The following IFIT1 variants were observed in gnomAD, a reference collection of about 807,000 sequenced individuals.
IFIT1 encodes interferon induced protein with tetratricopeptide repeats 1.
In IFIT1, 1 loss-of-function variant was observed where a neutral mutation model predicts 2.5. That is an observed-to-expected ratio of 0.40 (90% CI 0.14 to 1.92). The LOEUF (loss-of-function observed/expected upper bound fraction) is 1.92, where lower values mean the gene tolerates loss of function less well. IFIT1 is among the 40% of genes most tolerant of loss of function. IFIT1 has a pLI of 0.31. For missense variants in IFIT1, 508 were observed against 557.8 expected (o/e 0.91, Z 0.90); for synonymous variants, 191 against 201.7 (o/e 0.95, Z 0.45).
chr10:89,392,717 G>C lies in IFIT1; in HGVS notation c.5G>C (p.Ser2Thr). Residue 2 changes from serine (S) to threonine (T), a missense_variant and splice_region_variant, in exon 1 of 2, where the codon AGT (serine) becomes ACT (threonine). By Grantham distance (58) the Ser-to-Thr change is moderately conservative. Transcript: ENST00000371804. Reference protein sequence around the residue: MSTNGDDHQVKD... With the variant: MTTNGDDHQVKD... ...GCTGCCTAATTTACAGCAACCATGAGGTAAGGATTTCTTTGCTCCTCTGCC... is the reference window on the plus strand; with the variant it reads ...GCTGCCTAATTTACAGCAACCATGACGTAAGGATTTCTTTGCTCCTCTGCC... 6.2e-7 allele frequency: 1 copy of C among 1,613,996 alleles called. No homozygotes were observed. The highest frequency in any genetic ancestry group is 2.2e-5 in the East Asian group (1 of 44,890).
chr10:89,393,238 C>A (rs1844284093), intron 1 of IFIT1: 1 of 1,289,728 alleles, frequency 7.8e-7, no homozygotes, highest in Non-Finnish European at 1.0e-6. Flanking sequence ...CCATAGGCTT[C>A]TGGTCTCACT....
In IFIT1 at chr10:89,393,301, G is replaced by T; in HGVS notation, c.5+584G>T. On this transcript the variant is annotated intron_variant, in intron 1 of 1. Coordinates refer to ENST00000371804, the MANE Select transcript of IFIT1 (RefSeq NM_001548.5). ...GTTTTCGCAATCAGGCTGAGCTTAA[G>T]ATAAACAGATTGCCTCCTCCCTGGA... is the stretch of plus-strand genomic sequence containing the variant. 2.3e-6 allele frequency: 3 copies of T among 1,288,774 alleles called. No homozygotes were observed. The South Asian group carries it at 3.7e-5, about 16-fold the overall frequency. The allele number at this position is 1,288,774 out of a possible 1,614,324, so 79.8% of individuals were successfully genotyped here.
chr10:89,397,541 C>T (rs1589635489), intron 1 of IFIT1, among the ~76,000 whole-genome samples: 1 of 151,996 alleles, frequency 6.6e-6, no homozygotes, highest in Non-Finnish European at 1.5e-5. Flanking sequence ...AGGCTTAGGG[C>T]ATCTTTTTTC....
Position 89,402,627 on chromosome 10 carries a change from C to G in IFIT1, c.352C>G (p.Leu118Val). 3 of 1,614,212 alleles carry G rather than the reference C, an allele frequency of 1.9e-6. No individual in the cohort carries two copies. Among genetic ancestry groups the G allele is most frequent in the Non-Finnish European group, 2.5e-6 (3 of 1,180,032 alleles). The change falls in exon 2 of 2, where the codon CTG becomes GTG. Residue 118 changes from leucine (L) to valine (V), a missense_variant. Transcript: ENST00000371804. The stretch of plus-strand genomic sequence containing the variant: ...CAGACTGGCAGAAGCCCAGACTTAC[C>G]TGGACAAGGTGGAGAACATTTGCAA... Reference protein sequence around the residue: ...MGRLAEAQTYLDKVENICKKL... With the variant: ...MGRLAEAQTYVDKVENICKKL...
intron 1 of IFIT1, among the ~76,000 whole-genome samples, chr10:89,399,041 C>CTT (rs58350045): frequency 0.026 from 4,010 of 151,368 alleles, 124 homozygotes; most frequent in African/African-American, 0.074. Flanking sequence ...TTATATCCTG[C>CTT]TTTTTTTTTA....
chr10:89,398,244 T>G (rs1208538348), intron 1 of IFIT1, among the ~76,000 whole-genome samples: 9 of 151,860 alleles, frequency 5.9e-5, no homozygotes, highest in Non-Finnish European at 1.2e-4. Flanking sequence ...TACAAGGGAG[T>G]GTGGGGGAAT....
rs1296865021 is a variant in IFIT1 at position 89,405,672 on chromosome 10, G to A, written c.*1960G>A. The A allele has an allele frequency of 2.0e-5, 3 of 152,232 alleles. No individual in the cohort carries two copies. The highest frequency in any genetic ancestry group is 4.4e-5 in the Non-Finnish European group (3 of 68,078). 9.4% of individuals were successfully genotyped at this position (152,232 alleles called of 1,614,324 possible). A position where few individuals can be genotyped will look rare whatever the true frequency, so the allele number is the denominator to read the frequency against. ...CTTTCATCCATCTTAAAAACCAACA[G>A]TGTAGTAGCCTCAAATCTCTCTCTC... On this transcript the variant is annotated 3_prime_UTR_variant, in exon 2 of 2. Transcript: ENST00000371804.
rs912826641 is a variant in IFIT1, at chr10:89,392,853, G to C, written c.5+136G>C. On this transcript the variant is annotated intron_variant, in intron 1 of 1. Transcript: ENST00000371804. Reference sequence around the variant, plus strand: ...CGATTTGAGTATCTGCTTATGGACTGAATGTGTGCATGCATGTGTGTGCAC... The same window carrying C: ...CGATTTGAGTATCTGCTTATGGACTCAATGTGTGCATGCATGTGTGTGCAC... The C allele has an allele frequency of 1.1e-5, 10 of 877,666 alleles. No homozygotes were observed. In the African/African-American group the frequency reaches 1.7e-4, roughly 15 times the overall value. 54.4% of individuals were successfully genotyped at this position (877,666 alleles called of 1,614,324 possible).
At chr10:89,401,757 G>A (rs1196613229) in intron 1 of IFIT1, among the ~76,000 whole-genome samples, 2 of 147,612 alleles carry the variant, frequency 1.4e-5, no homozygotes, top group African/African-American at 5.0e-5. Context: ...AACTTTCCGT[G>A]AATCTGTAAT....
rs1452093234 is a variant in IFIT1, at chr10:89,403,655, T to A, written c.1380T>A (p.Tyr460Ter). Reference protein sequence around the residue: ...EGNMNEALEYYERALRLAADF... With the variant: ...EGNMNEALEY Reference sequence around the variant, plus strand: ...ATATGAATGAAGCCCTGGAGTACTATGAGCGGGCCCTGAGACTGGCTGCTG... The same window carrying A: ...ATATGAATGAAGCCCTGGAGTACTAAGAGCGGGCCCTGAGACTGGCTGCTG... The change falls in exon 2 of 2, where the codon TAT (tyrosine) becomes TAA (stop). Residue 460 changes from tyrosine to a stop codon, truncating the protein, a stop_gained. Coordinates refer to ENST00000371804, the MANE Select transcript of IFIT1 (RefSeq NM_001548.5). LOFTEE classifies it low-confidence loss of function (END_TRUNC). The A allele has an allele frequency of 6.2e-7, 1 of 1,612,170 alleles. No homozygotes were observed. Among genetic ancestry groups the A allele is most frequent in the South Asian group, 1.1e-5 (1 of 90,436 alleles).
rs1417766172 is a variant in IFIT1 at position 89,392,690 on chromosome 10, C to T, written c.-23C>T. Reference sequence around the variant, plus strand: ...CCTGGCTAAGCAAAACCCTGCAGAACGGCTGCCTAATTTACAGCAACCATG... The same window carrying T: ...CCTGGCTAAGCAAAACCCTGCAGAATGGCTGCCTAATTTACAGCAACCATG... On this transcript the variant is annotated 5_prime_UTR_variant, in exon 1 of 2. It adds an upstream start codon to the 5' untranslated region. Coordinates refer to ENST00000371804, the MANE Select transcript of IFIT1 (RefSeq NM_001548.5). 2 of 1,613,720 alleles carry T rather than the reference C, an allele frequency of 1.2e-6. No homozygotes were observed. Among genetic ancestry groups the T allele is most frequent in the East Asian group, 4.5e-5 (2 of 44,890 alleles).
At position 89,405,926 on chromosome 10, in the gene IFIT1, C is replaced by G. The variant is rs1428005326; in HGVS notation, c.*2214C>G. 1 of 152,106 alleles carries G rather than the reference C, an allele frequency of 6.6e-6. No homozygotes were observed. The highest frequency in any genetic ancestry group is 2.4e-5 in the African/African-American group (1 of 41,406). 9.4% of individuals were successfully genotyped at this position (152,106 alleles called of 1,614,324 possible). On this transcript the variant is annotated 3_prime_UTR_variant, in exon 2 of 2. Transcript: ENST00000371804. The stretch of plus-strand genomic sequence containing the variant: ...GGCATTATTCTTACCACAGAGCACC[C>G]CAAGAAAATCTCCAAATTTTGGGCT...
intron 1 of IFIT1, among the ~76,000 whole-genome samples, chr10:89,394,776 A>C (rs184325963): frequency 6.5e-4 from 99 of 152,096 alleles, no homozygotes; most frequent in Non-Finnish European, 1.2e-3. Context: ...CATCATCACT[A>C]TCTAGTTCAA....
intron 1 of IFIT1, among the ~76,000 whole-genome samples, chr10:89,395,596 A>G (rs987616656): frequency 1.3e-5 from 2 of 152,214 alleles, no homozygotes; most frequent in Non-Finnish European, 2.9e-5. Flanking sequence ...AACACAGGTC[A>G]GGCAAGAACC....
At chr10:89,392,761 G>GA (rs1321662191) in intron 1 of IFIT1, 44 bp downstream of exon 1, 3 of 1,599,570 alleles carry the variant, frequency 1.9e-6, no homozygotes, top group Non-Finnish European at 2.6e-6. Flanking sequence ...TAAAGTTTTT[G>GA]AAAAAATGGT....
rs771211379 is a variant in IFIT1 at position 89,392,679 on chromosome 10, AC to A, written c.-31del. The A allele has an allele frequency of 1.9e-6, 3 of 1,613,600 alleles. No homozygotes were observed. The East Asian group carries it at 6.7e-5, about 36-fold the overall frequency. On this transcript the variant is annotated 5_prime_UTR_variant, in exon 1 of 2. Coordinates refer to ENST00000371804, the MANE Select transcript of IFIT1 (RefSeq NM_001548.5). ...TCTCAGAGGAGCCTGGCTAAGCAAA[AC>A]CCTGCAGAACGGCTGCCTAATTTAC... is the stretch of plus-strand genomic sequence containing the variant.
At chr10:89,398,410 T>C (rs1819443) in intron 1 of IFIT1, among the ~76,000 whole-genome samples, 19,440 of 152,196 alleles carry the variant, frequency 0.13, 2,661 homozygotes, top group African/African-American at 0.34. Flanking sequence ...TGAATAAAAG[T>C]AAGCAGCTCC....
chr10:89,400,120 A>G (rs1844401607), intron 1 of IFIT1, among the ~76,000 whole-genome samples: 1 of 152,124 alleles, frequency 6.6e-6, no homozygotes, highest in African/African-American at 2.4e-5. Flanking sequence ...TTTCTATTCT[A>G]TTTCACTGGT....
In IFIT1 at chr10:89,404,982, A is replaced by C. The variant is rs1426334418; in HGVS notation, c.*1270A>C. On this transcript the variant is annotated 3_prime_UTR_variant, in exon 2 of 2. Coordinates refer to ENST00000371804, the MANE Select transcript of IFIT1 (RefSeq NM_001548.5). ...CTCAAAAAAAAAAAAAGTTCTCTCC[A>C]ATTGTATATAGCTTGTGATTTTATG... is the stretch of plus-strand genomic sequence containing the variant. 6 of 152,134 alleles carry C rather than the reference A, an allele frequency of 3.9e-5. No homozygotes were observed. Among genetic ancestry groups the C allele is most frequent in the Non-Finnish European group, 8.8e-5 (6 of 68,038 alleles). 9.4% of individuals were successfully genotyped at this position (152,134 alleles called of 1,614,324 possible). A position where few individuals can be genotyped will look rare whatever the true frequency, so the allele number is the denominator to read the frequency against.
Sources: gnomAD v4.1 joint callset for allele counts (sites outside exome capture counted in the v4.1 genomes callset) on GRCh38, gnomAD v4.1.1 for gene constraint, MANE v1.5 for transcripts, NCBI Gene and HGNC (gene_info 2026-07-23, HGNC 2026-07-21) for gene names.